GHR: variants seen among roughly 807,000 people sequenced by gnomAD.
The protein encoded by GHR is growth hormone receptor.
GHR carries 35 observed loss-of-function variants against 67.1 expected under a neutral mutation model. That is an observed-to-expected ratio of 0.52 (90% CI 0.40 to 0.69). The LOEUF is 0.69. Ranked by LOEUF, GHR falls within the 30% of genes least tolerant of loss-of-function variation. The pLI is 0.00. For missense variants in GHR, 792 were observed against 764.6 expected, an observed-to-expected ratio of 1.04 and a Z score of -0.42; for synonymous variants, 272 against 269.1, an observed-to-expected ratio of 1.01 and a Z score of -0.10.
chr5:42,718,800 A>G lies in GHR; in HGVS notation c.1293A>G (p.Gln431=). 3 of 1,614,182 alleles carry G rather than the reference A, an allele frequency of 1.9e-6. No homozygotes were observed. The highest frequency in any genetic ancestry group is 2.5e-6 in the Non-Finnish European group (3 of 1,180,038). ...ADLLCLDQKN[Q]NNSPYHDACP... Reference sequence around the variant, plus strand: ...TCTTATGCCTTGACCAGAAGAATCAAAATAACTCACCTTATCATGATGCTT... The same window carrying G: ...TCTTATGCCTTGACCAGAAGAATCAGAATAACTCACCTTATCATGATGCTT... Residue 431 remains glutamine (Q), a synonymous_variant, in exon 10 of 10, where the codon CAA becomes CAG. Transcript: ENST00000230882.
intron 8 of GHR, among the ~76,000 whole-genome samples, chr5:42,715,493 A>G (rs1280199657): frequency 1.3e-5 from 2 of 152,176 alleles, no homozygotes; most frequent in African/African-American, 4.8e-5. Flanking sequence ...CAAAATTTAT[A>G]ATTTTATTTG....
chr5:42,507,262 A>G (rs1226039689), intron 1 of GHR, among the ~76,000 whole-genome samples: 1 of 152,242 alleles, frequency 6.6e-6, no homozygotes, highest in Non-Finnish European at 1.5e-5. Context: ...TAGTCGTTGT[A>G]AGTATCCCTT....
intron 1 of GHR, among the ~76,000 whole-genome samples, chr5:42,525,161 C>G (rs1561095607): frequency 6.6e-6 from 1 of 152,178 alleles, no homozygotes; most frequent in East Asian, 1.9e-4. Flanking sequence ...TTGCACTGTG[C>G]TGCTGGAAAA....
chr5:42,670,874 A>ATAT (rs1254302009), intron 3 of GHR, among the ~76,000 whole-genome samples: 18 of 91,882 alleles, frequency 2.0e-4, no homozygotes, highest in African/African-American at 6.8e-4. Flanking sequence ...TTAAAAAAAA[A>ATAT]AAAAAAATAT....
intron 1 of GHR, chr5:42,548,396 C>T (rs1348364673): frequency 1.2e-5 from 12 of 984,984 alleles, no homozygotes; most frequent in Non-Finnish European, 1.4e-5. Flanking sequence ...AGATTTTAAC[C>T]AAATCAGTGT....
Position 42,564,297 on chromosome 5 carries a change from A to T in GHR, c.-11-1567A>T, listed in dbSNP as rs74952517. Among the ~76,000 whole-genome samples, 41 of 95,246 alleles carry T rather than the reference A, an allele frequency of 4.3e-4. 1 individual carries two copies. Among genetic ancestry groups the T allele is most frequent in the African/African-American group, 9.5e-4 (22 of 23,038 alleles). The allele number at this position is 95,246 out of a possible 152,430, so 62.5% of individuals were successfully genotyped here. A position where few individuals can be genotyped will look rare whatever the true frequency, so the allele number is the denominator to read the frequency against. ...GTGAGATTTATTTGAAATCTCACAAAGTGTGAGATTTATTTGAAATCTCAC... is the reference window on the plus strand; with the variant it reads ...GTGAGATTTATTTGAAATCTCACAATGTGTGAGATTTATTTGAAATCTCAC... On this transcript the variant is annotated intron_variant, in intron 1 of 9. Transcript: ENST00000230882.
At chr5:42,585,061 T>C (rs757125862) in intron 2 of GHR, among the ~76,000 whole-genome samples, 13 of 152,188 alleles carry the variant, frequency 8.5e-5, no homozygotes, top group Non-Finnish European at 1.3e-4. Flanking sequence ...AGCAGGCTTG[T>C]CCAAAGGATT....
intron 2 of GHR, among the ~76,000 whole-genome samples, chr5:42,611,278 A>T (rs1336914799): frequency 6.6e-6 from 1 of 152,036 alleles, no homozygotes; most frequent in Admixed American, 6.6e-5. Context: ...TGGTTATTAG[A>T]TCTAAATTTT....
chr5:42,656,106 A>T (rs888626623), intron 3 of GHR, among the ~76,000 whole-genome samples: 1 of 152,150 alleles, frequency 6.6e-6, no homozygotes, highest in South Asian at 2.1e-4. Flanking sequence ...ATGTTCTAAC[A>T]TGTTACATGA....
intron 1 of GHR, among the ~76,000 whole-genome samples, chr5:42,488,481 C>T (rs1248407129): frequency 1.3e-5 from 2 of 152,188 alleles, no homozygotes; most frequent in Admixed American, 6.5e-5. Flanking sequence ...ATTCTCATTT[C>T]ATCTGCTCTT....
chr5:42,451,330 T>C (rs1744038716), intron 1 of GHR, among the ~76,000 whole-genome samples: 1 of 152,190 alleles, frequency 6.6e-6, no homozygotes, highest in Non-Finnish European at 1.5e-5. Flanking sequence ...TGCATATATA[T>C]TTATGATTGT....
intron 1 of GHR, among the ~76,000 whole-genome samples, chr5:42,451,624 T>C (rs956416677): frequency 1.3e-5 from 2 of 150,126 alleles, no homozygotes; most frequent in African/African-American, 4.9e-5. Context: ...GAGAGTCACT[T>C]GAACCCAGGA....
chr5:42,508,791 G>T lies in GHR; in HGVS notation c.-11-57073G>T, dbSNP rs185320974. 3.1e-3 allele frequency among the ~76,000 whole-genome samples: 472 copies of T among 152,296 alleles called. 1 individual carries two copies. Among genetic ancestry groups the T allele is most frequent in the African/African-American group, 0.011 (457 of 41,556 alleles). ...GGGTTTCACTGTGTTGGCCAGGATG[G>T]TCTTGATCTCCTGACCTTGTGATCC... On this transcript the variant is annotated intron_variant, in intron 1 of 9. Transcript: ENST00000230882.
At chr5:42,442,957 T>C (rs1284921376) in intron 1 of GHR, among the ~76,000 whole-genome samples, 1 of 152,218 alleles carries the variant, frequency 6.6e-6, no homozygotes, top group Non-Finnish European at 1.5e-5. Context: ...GATGGTATAA[T>C]TAAGCACCAA....
intron 2 of GHR, among the ~76,000 whole-genome samples, chr5:42,618,930 G>T (rs1169878327): frequency 6.6e-6 from 1 of 152,072 alleles, no homozygotes; most frequent in African/African-American, 2.4e-5. Flanking sequence ...CCATATCCCA[G>T]TGCCTAGTAT....
chr5:42,589,221 C>T (rs1359361531), intron 2 of GHR, among the ~76,000 whole-genome samples: 1 of 152,168 alleles, frequency 6.6e-6, no homozygotes, highest in Non-Finnish European at 1.5e-5. Context: ...GTATCTCCTA[C>T]CTTCTGTCTT....
At chr5:42,481,031 G>A (rs1029228157) in intron 1 of GHR, among the ~76,000 whole-genome samples, 2 of 151,978 alleles carry the variant, frequency 1.3e-5, no homozygotes, top group Admixed American at 6.6e-5. Flanking sequence ...GGTACCGGTT[G>A]TTCCTTTCCA....
At chr5:42,644,669 T>C (rs1018681218) in intron 3 of GHR, among the ~76,000 whole-genome samples, 12 of 152,080 alleles carry the variant, frequency 7.9e-5, no homozygotes, top group Non-Finnish European at 1.3e-4. Context: ...AGAAAGTTTT[T>C]AGCTTTTAGA....
intron 1 of GHR, among the ~76,000 whole-genome samples, chr5:42,533,075 C>T (rs1051202266): frequency 2.0e-5 from 3 of 152,030 alleles, no homozygotes; most frequent in Non-Finnish European, 1.5e-5. Flanking sequence ...AACTTTGTTT[C>T]GCAGGTCATT....
Sources: gnomAD v4.1 joint callset for allele counts (sites outside exome capture counted in the v4.1 genomes callset) on GRCh38, gnomAD v4.1.1 for gene constraint, MANE v1.5 for transcripts, NCBI Gene and HGNC (gene_info 2026-07-23, HGNC 2026-07-21) for gene names.